The following REEP3 variants were observed in gnomAD, a reference collection of about 807,000 sequenced individuals.
The protein encoded by REEP3 is receptor expression-enhancing protein 3.
A neutral mutation model predicts 41.3 loss-of-function variants in REEP3; 20 were observed. The observed-to-expected ratio is 0.48, with a 90% confidence interval of 0.34 to 0.70. REEP3 has a LOEUF of 0.70. Ranked by LOEUF, REEP3 falls within the 30% of genes least tolerant of loss-of-function variation. The pLI is 0.01. For missense variants in REEP3, 271 were observed against 308.8 expected, an observed-to-expected ratio of 0.88 and a Z score of 0.92; for synonymous variants, 104 against 101.8, an observed-to-expected ratio of 1.02 and a Z score of -0.13.
chr10:63,617,902 G>A (rs1481543115), intron 6 of REEP3, among the ~76,000 whole-genome samples: 1 of 138,586 alleles, frequency 7.2e-6, no homozygotes, highest in Non-Finnish European at 1.5e-5. Context: ...TCAGCTCACT[G>A]CAACCTCCAC....
At chr10:63,566,528 A>C (rs1384969821) in intron 2 of REEP3, 118 bp downstream of exon 2, 1 of 599,806 alleles carries the variant, frequency 1.7e-6, no homozygotes, top group Non-Finnish European at 2.9e-6. Flanking sequence ...GGTGTTATGA[A>C]TGTGAAGTAA....
chr10:63,585,285 G>C (rs1223818428), intron 2 of REEP3, among the ~76,000 whole-genome samples: 3 of 152,110 alleles, frequency 2.0e-5, no homozygotes, highest in African/African-American at 7.2e-5. Context: ...GGCAGGGGTG[G>C]TTGTTACATA....
intron 2 of REEP3, among the ~76,000 whole-genome samples, chr10:63,570,157 G>A (rs535987764): frequency 3.5e-4 from 53 of 152,218 alleles, no homozygotes; most frequent in Non-Finnish European, 5.3e-4. Context: ...GATAAGGATG[G>A]TCTAACCCTG....
At chr10:63,546,925 A>C (rs556001842) in intron 1 of REEP3, among the ~76,000 whole-genome samples, 1 of 151,524 alleles carries the variant, frequency 6.6e-6, no homozygotes, top group South Asian at 2.1e-4. Context: ...CTTCTTCGTG[A>C]CTTTTTTTTT....
intron 1 of REEP3, among the ~76,000 whole-genome samples, chr10:63,560,615 A>G (rs1325485585): frequency 9.9e-5 from 15 of 152,142 alleles, no homozygotes; most frequent in Admixed American, 9.8e-4. Context: ...TATTTTGACA[A>G]AATTTCCCCT....
chr10:63,601,499 C>T (rs1000501454), intron 5 of REEP3, among the ~76,000 whole-genome samples: 1 of 152,176 alleles, frequency 6.6e-6, no homozygotes, highest in African/African-American at 2.4e-5. Flanking sequence ...AAAGAGAACA[C>T]CACACAGCAA....
intron 1 of REEP3, among the ~76,000 whole-genome samples, chr10:63,555,922 G>A (rs996779143): frequency 6.6e-5 from 10 of 152,056 alleles, no homozygotes; most frequent in African/African-American, 2.2e-4. Context: ...TCAAATAATT[G>A]TCAAGGGTTT....
In REEP3 at chr10:63,623,420, T is replaced by C. The variant is rs945786616; in HGVS notation, c.*2551T>C. The C allele has an allele frequency of 2.6e-5, 4 of 152,158 alleles. No homozygotes were observed. The highest frequency in any genetic ancestry group is 5.9e-5 in the Non-Finnish European group (4 of 68,022). The allele number at this position is 152,158 out of a possible 1,614,324, so 9.4% of individuals were successfully genotyped here. A position where few individuals can be genotyped will look rare whatever the true frequency, so the allele number is the denominator to read the frequency against. ...ACTGGTTTTAAAAGAGGTAAATGTA[T>C]CCATAGACCACAGTGCCTTGCTTTT... On this transcript the variant is annotated 3_prime_UTR_variant, in exon 8 of 8. Transcript: ENST00000373758.
intron 1 of REEP3, among the ~76,000 whole-genome samples, chr10:63,557,553 C>T (rs1294610541): frequency 1.3e-5 from 2 of 152,132 alleles, no homozygotes; most frequent in African/African-American, 2.4e-5. Flanking sequence ...AATTTATCAA[C>T]AACAAAGAAG....
At chr10:63,581,589 A>G (rs1291350461) in intron 2 of REEP3, among the ~76,000 whole-genome samples, 1 of 151,990 alleles carries the variant, frequency 6.6e-6, no homozygotes, top group Non-Finnish European at 1.5e-5. Context: ...GAAAATAAGG[A>G]AAAATTAGCT....
At chr10:63,595,060 G>A (rs1365929221) in intron 3 of REEP3, among the ~76,000 whole-genome samples, 1 of 151,886 alleles carries the variant, frequency 6.6e-6, no homozygotes, top group South Asian at 2.1e-4. Flanking sequence ...CTCCCCATAC[G>A]CCGCTCCCTG....
intron 2 of REEP3, among the ~76,000 whole-genome samples, chr10:63,587,019 C>G (rs1421853202): frequency 6.6e-6 from 1 of 150,468 alleles, no homozygotes; most frequent in Non-Finnish European, 1.5e-5. Context: ...CACTGGCCTC[C>G]CACTCAGAAT....
At chr10:63,612,608 T>C (rs920623938) in intron 6 of REEP3, among the ~76,000 whole-genome samples, 3 of 152,086 alleles carry the variant, frequency 2.0e-5, no homozygotes, top group African/African-American at 7.2e-5. Context: ...CTGGCCAACA[T>C]GGCGAAACCC....
intron 2 of REEP3, among the ~76,000 whole-genome samples, chr10:63,569,243 CA>C (rs1955831363): frequency 6.6e-6 from 1 of 152,110 alleles, no homozygotes; most frequent in African/African-American, 2.4e-5. Flanking sequence ...AAATGGGAAC[CA>C]TTTCCCTATT....
intron 5 of REEP3, chr10:63,599,573 C>A: frequency 2.2e-6 from 1 of 463,904 alleles, no homozygotes; most frequent in Non-Finnish European, 2.9e-6. Flanking sequence ...TTGAGTAAAT[C>A]ACCTGATGTA....
chr10:63,536,297 T>G (rs1955473508), intron 1 of REEP3, among the ~76,000 whole-genome samples: 1 of 152,220 alleles, frequency 6.6e-6, no homozygotes, highest in South Asian at 2.1e-4. Flanking sequence ...TTTCTATGTG[T>G]TTCATCAGAT....
rs151062074 is a variant in REEP3, at chr10:63,560,382, A to C, written c.33-5956A>C. Among the ~76,000 whole-genome samples, 5 of 152,306 alleles carry C rather than the reference A, an allele frequency of 3.3e-5. No individual in the cohort carries two copies. In the East Asian group the frequency reaches 9.6e-4, roughly 29 times the overall value. ...TTAAAGCATTTGAGAGATGTATATCAGACTTGTTTGGTTAAGGATGAATTG... is the reference window on the plus strand; with the variant it reads ...TTAAAGCATTTGAGAGATGTATATCCGACTTGTTTGGTTAAGGATGAATTG... On this transcript the variant is annotated intron_variant, in intron 1 of 7. Transcript: ENST00000373758.
At chr10:63,550,106 C>G (rs560364515) in intron 1 of REEP3, among the ~76,000 whole-genome samples, 25 of 152,250 alleles carry the variant, frequency 1.6e-4, no homozygotes, top group Non-Finnish European at 3.5e-4. Context: ...GATGAGATGG[C>G]GTGAGCCCAA....
At chr10:63,607,116 T>C (rs193044153) in intron 5 of REEP3, among the ~76,000 whole-genome samples, 20 of 152,352 alleles carry the variant, frequency 1.3e-4, no homozygotes, top group South Asian at 4.1e-4. Flanking sequence ...ACTGGTTACA[T>C]TGGATACATG....
Sources: allele counts gnomAD v4.1 joint callset (sites outside exome capture counted in the v4.1 genomes callset), GRCh38; gene constraint gnomAD v4.1.1; transcripts MANE v1.5; gene names NCBI Gene and HGNC (gene_info 2026-07-23, HGNC 2026-07-21).